NRG3: variants seen among roughly 807,000 people sequenced by gnomAD.
NRG3 encodes neuregulin 3.
A neutral mutation model predicts 66.9 loss-of-function variants in NRG3; 31 were observed. The observed-to-expected ratio is 0.46, with a 90% CI of 0.35 to 0.63. The LOEUF is 0.63. Among genes scored for constraint, NRG3 ranks in the 20% least tolerant of loss-of-function variants. The probability of loss-of-function intolerance (pLI) is 0.00; values close to 1 mark genes in which losing one functional copy is unlikely to be tolerated. For missense variants in NRG3, 910 were observed against 878.9 expected (o/e 1.04, Z -0.45); for synonymous variants, 393 against 359.4 (o/e 1.09, Z -1.06).
intron 3 of NRG3, among the ~76,000 whole-genome samples, chr10:82,765,295 T>A (rs147770918): frequency 5.3e-5 from 8 of 152,238 alleles, no homozygotes; most frequent in African/African-American, 1.7e-4. Flanking sequence ...ACAAAATAAA[T>A]TTTAGAGGAT....
At chr10:82,808,951 T>C (rs57925656) in intron 3 of NRG3, among the ~76,000 whole-genome samples, 2 of 152,318 alleles carry the variant, frequency 1.3e-5, no homozygotes, top group East Asian at 3.9e-4. Context: ...GCTATTTGGC[T>C]TGAGCCTTGA....
At chr10:82,188,452 T>C (rs999717454) in intron 1 of NRG3, among the ~76,000 whole-genome samples, 1 of 151,822 alleles carries the variant, frequency 6.6e-6, no homozygotes, top group Non-Finnish European at 1.5e-5. Flanking sequence ...AATGGACAAA[T>C]GAGATCACAA....
At chr10:82,865,492 G>C in intron 4 of NRG3, 55 bp downstream of exon 4, 1 of 1,525,576 alleles carries the variant, frequency 6.6e-7, no homozygotes, top group Non-Finnish European at 9.0e-7. Flanking sequence ...GCTTTATGAT[G>C]TACATAGTGC....
chr10:82,919,198 A>G (rs1440892873), intron 4 of NRG3, among the ~76,000 whole-genome samples: 1 of 152,042 alleles, frequency 6.6e-6, no homozygotes, highest in African/African-American at 2.4e-5. Flanking sequence ...CATAATTGAG[A>G]TGAGAACCTA....
rs182568835 is a variant in NRG3, at chr10:82,631,282, A to G, written c.954-107295A>G. ...ACAGACACCAATTCAAATTCCCCGG[A>G]TGAGGGAGAGCCGTCTTGCTAGATG... On this transcript the variant is annotated intron_variant, in intron 2 of 8. Transcript: ENST00000372141. 3.3e-5 allele frequency among the ~76,000 whole-genome samples: 5 copies of G among 152,264 alleles called. No homozygotes were observed. In the East Asian group the frequency reaches 9.7e-4, roughly 29 times the overall value.
At chr10:82,558,999 C>T (rs1266392679) in intron 2 of NRG3, among the ~76,000 whole-genome samples, 3 of 152,078 alleles carry the variant, frequency 2.0e-5, no homozygotes, top group African/African-American at 7.2e-5. Flanking sequence ...AATTATATTA[C>T]TCTGAGATAA....
intron 1 of NRG3, among the ~76,000 whole-genome samples, chr10:82,140,100 G>A (rs1053904104): frequency 6.6e-6 from 1 of 152,110 alleles, no homozygotes; most frequent in Non-Finnish European, 1.5e-5. Context: ...GACATCAGCA[G>A]TATTTGTGGT....
chr10:82,749,565 G>T (rs1019508762), intron 3 of NRG3, among the ~76,000 whole-genome samples: 14 of 152,050 alleles, frequency 9.2e-5, no homozygotes. Context: ...ACAAGTTTTT[G>T]TAGTGTATTT....
chr10:82,767,731 A>C (rs931061769), intron 3 of NRG3, among the ~76,000 whole-genome samples: 1 of 152,042 alleles, frequency 6.6e-6, no homozygotes, highest in Non-Finnish European at 1.5e-5. Context: ...TAACTATAAC[A>C]CTGTAAATTC....
At chr10:82,599,061 A>G (rs923651817) in intron 2 of NRG3, among the ~76,000 whole-genome samples, 2 of 152,120 alleles carry the variant, frequency 1.3e-5, no homozygotes, top group African/African-American at 4.8e-5. Flanking sequence ...AAAAAGAAAA[A>G]AAAGAAGAAA....
Position 82,951,505 on chromosome 10 carries a change from T to A in NRG3, c.1091T>A (p.Ile364Asn). The part of the protein sequence containing the change: ...EEVYQRQVLS[I>N]SCIIFGIVIV... ...GTTTATCAAAGGCAGGTGCTGTCAA[T>A]TTCATGTATCATCTTTGGAATTGTC... Residue 364 changes from isoleucine (I) to asparagine (N), a missense_variant, in exon 5 of 9, where the codon ATT becomes AAT. Physicochemically the swap from Ile to Asn is moderately radical, Grantham distance 149. Coordinates refer to ENST00000372141, the MANE Select transcript of NRG3 (RefSeq NM_001010848.4). The A allele has an allele frequency of 6.2e-7, 1 of 1,614,016 alleles. No individual in the cohort carries two copies. The highest frequency in any genetic ancestry group is 8.5e-7 in the Non-Finnish European group (1 of 1,179,896).
At chr10:82,364,123 G>A (rs554197787) in intron 2 of NRG3, among the ~76,000 whole-genome samples, 40 of 152,118 alleles carry the variant, frequency 2.6e-4, no homozygotes, top group African/African-American at 9.6e-4. Flanking sequence ...GTTGACTCCT[G>A]CCTCTAGTCT....
At chr10:82,110,279 G>A (rs915042339) in intron 1 of NRG3, among the ~76,000 whole-genome samples, 25 of 152,260 alleles carry the variant, frequency 1.6e-4, no homozygotes, top group African/African-American at 6.0e-4. Context: ...GCCTGATGAA[G>A]GAAAGAAATG....
chr10:81,951,985 A>G (rs568592745), intron 1 of NRG3, among the ~76,000 whole-genome samples: 1 of 152,234 alleles, frequency 6.6e-6, no homozygotes, highest in South Asian at 2.1e-4. Context: ...ACATGGATGA[A>G]GCTGGAAACC....
At chr10:82,438,661 G>A (rs1417415888) in intron 2 of NRG3, among the ~76,000 whole-genome samples, 2 of 152,220 alleles carry the variant, frequency 1.3e-5, no homozygotes, top group South Asian at 2.1e-4. Context: ...GCCCTTGGTG[G>A]CATGGGTTCA....
intron 2 of NRG3, among the ~76,000 whole-genome samples, chr10:82,410,258 G>T (rs1442050243): frequency 6.6e-6 from 1 of 152,046 alleles, no homozygotes; most frequent in African/African-American, 2.4e-5. Context: ...TTTGGAGGCC[G>T]AGGTGGATCT....
intron 1 of NRG3, among the ~76,000 whole-genome samples, chr10:81,923,087 A>C (rs907250709): frequency 7.2e-5 from 11 of 152,206 alleles, no homozygotes; most frequent in African/African-American, 2.7e-4. Context: ...TGAGAGTTTA[A>C]TATTCTTAAA....
chr10:82,759,166 G>A (rs574340099), intron 3 of NRG3, among the ~76,000 whole-genome samples: 2 of 119,160 alleles, frequency 1.7e-5, no homozygotes, highest in Admixed American at 9.6e-5. Context: ...AAAGGAGCCT[G>A]GCTTTCTTGG....
chr10:82,091,542 C>T (rs938245675), intron 1 of NRG3, among the ~76,000 whole-genome samples: 7 of 152,138 alleles, frequency 4.6e-5, no homozygotes, highest in African/African-American at 1.7e-4. Flanking sequence ...GCATATACCA[C>T]ACTTTATCTG....
Sources: gnomAD v4.1 joint callset for allele counts (sites outside exome capture counted in the v4.1 genomes callset) on GRCh38, gnomAD v4.1.1 for gene constraint, MANE v1.5 for transcripts, NCBI Gene and HGNC (gene_info 2026-07-23, HGNC 2026-07-21) for gene names.